CFAP20DC: variants seen among roughly 807,000 people sequenced by gnomAD.
The protein encoded by CFAP20DC is protein CFAP20DC.
A neutral mutation model predicts 101.7 loss-of-function variants in CFAP20DC; 84 were observed. The ratio of observed to expected loss-of-function variants is 0.83; its 90% CI spans 0.69 to 0.99. The LOEUF is 0.99. CFAP20DC is among the 50% of genes least tolerant of loss of function. The pLI is 0.00. For missense variants in CFAP20DC, 1,007 were observed against 970.3 expected (o/e 1.04, Z -0.50); for synonymous variants, 359 against 351.2 (o/e 1.02, Z -0.25).
rs73837939 is a variant in CFAP20DC, at chr3:58,732,070, T to A, written c.198-14442A>T. Among the ~76,000 whole-genome samples, 687 of 152,222 alleles carry A rather than the reference T, an allele frequency of 4.5e-3. 5 individuals carry two copies. Among genetic ancestry groups the A allele is most frequent in the African/African-American group, 0.016 (649 of 41,536 alleles). ...TTCAGTGCGATGCTTGGGAGTGCAG[T>A]GAGAGCTCAATAAATGGTTGTGCTG... On this transcript the variant is annotated intron_variant, in intron 3 of 3. Coordinates refer to the CFAP20DC transcript ENST00000486145. This position sits in a 1 kb window ranked among gnomAD's most constrained non-coding sequence, Gnocchi z 5.4.
intron 14 of CFAP20DC, among the ~76,000 whole-genome samples, chr3:58,821,181 CAT>C (rs1385034111): frequency 6.6e-6 from 1 of 151,950 alleles, no homozygotes. Context: ...GACCTAAAAC[CAT>C]AAAAACCCTA....
At chr3:58,827,909 G>A (rs1212189412) in intron 14 of CFAP20DC, among the ~76,000 whole-genome samples, 2 of 152,202 alleles carry the variant, frequency 1.3e-5, no homozygotes, top group African/African-American at 2.4e-5. Flanking sequence ...AGCTTGTGGT[G>A]AGAGTTATCA....
chr3:58,929,495 A>G (rs546547074), intron 5 of CFAP20DC, among the ~76,000 whole-genome samples: 75 of 152,290 alleles, frequency 4.9e-4, no homozygotes, highest in African/African-American at 1.7e-3. Flanking sequence ...GATGAATACA[A>G]TTTTATTTGT....
intron 14 of CFAP20DC, among the ~76,000 whole-genome samples, chr3:58,828,478 T>G (rs908686483): frequency 1.3e-5 from 2 of 151,768 alleles, no homozygotes; most frequent in African/African-American, 4.8e-5. Flanking sequence ...TAAAAAAGAG[T>G]GAAATCATGT....
At chr3:58,779,090 C>T (rs1173479476) in intron 15 of CFAP20DC, among the ~76,000 whole-genome samples, 1 of 152,092 alleles carries the variant, frequency 6.6e-6, no homozygotes, top group Non-Finnish European at 1.5e-5. Flanking sequence ...TCCATAGGAA[C>T]AGGATAATTA....
At chr3:58,749,877 C>T (rs2107216090) in intron 16 of CFAP20DC, among the ~76,000 whole-genome samples, 1 of 152,222 alleles carries the variant, frequency 6.6e-6, no homozygotes, top group Admixed American at 6.5e-5. Flanking sequence ...TCTTAACTTC[C>T]CATTTTTACA....
intron 4 of CFAP20DC, among the ~76,000 whole-genome samples, chr3:58,980,547 C>T (rs549976675): frequency 7.2e-5 from 11 of 152,250 alleles, no homozygotes; most frequent in Non-Finnish European, 1.5e-4. Context: ...AAGGCTGGTT[C>T]AATATACACA....
At position 58,788,408 on chromosome 3, in the gene CFAP20DC, C is replaced by T. The variant is rs914201587; in HGVS notation, c.2237+17987G>A. On this transcript the variant is annotated intron_variant, in intron 15 of 16. Coordinates refer to ENST00000482387, the MANE Select transcript of CFAP20DC (RefSeq NM_001394063.1). This position sits in a 1 kb window ranked among gnomAD's most constrained non-coding sequence, Gnocchi z 4.2. ...ATTTTTGAGCTTCTAATGTGGACAG[C>T]GCTGTATGAGAAGTAATGGGGAGCA... Among the ~76,000 whole-genome samples, 5 of 152,042 alleles carry T rather than the reference C, an allele frequency of 3.3e-5. No homozygotes were observed. In the South Asian group the frequency reaches 6.2e-4, roughly 19 times the overall value.
At chr3:58,850,771 T>G (rs1158902314) in intron 12 of CFAP20DC, among the ~76,000 whole-genome samples, 2 of 152,184 alleles carry the variant, frequency 1.3e-5, no homozygotes, top group African/African-American at 4.8e-5. Context: ...CAGTAAGCTA[T>G]TCCTTCACCC....
intron 4 of CFAP20DC, among the ~76,000 whole-genome samples, chr3:59,005,040 C>T (rs749967047): frequency 2.0e-5 from 3 of 152,066 alleles, no homozygotes; most frequent in Non-Finnish European, 2.9e-5. Flanking sequence ...TCCTTGGGCA[C>T]GGTATTATTT....
rs2067664004 is a variant in CFAP20DC at position 58,732,477 on chromosome 3, A to G, written c.198-14849T>C. Among the ~76,000 whole-genome samples the G allele has an allele frequency of 6.6e-6, 1 of 152,206 alleles. No homozygotes were observed. The highest frequency in any genetic ancestry group is 1.5e-5 in the Non-Finnish European group (1 of 68,028). On this transcript the variant is annotated intron_variant, in intron 3 of 3. Transcript: ENST00000486145. This position sits in a 1 kb window ranked among gnomAD's most constrained non-coding sequence, Gnocchi z 5.4. ...TCAAGAGATGCTTTCACTGACCTTT[A>G]TCATTTCACGTGGATGAAATTATAA...
chr3:58,745,494 T>TGGG (rs1163931489), intron 16 of CFAP20DC, among the ~76,000 whole-genome samples: 2 of 152,170 alleles, frequency 1.3e-5, no homozygotes, highest in Non-Finnish European at 2.9e-5. Flanking sequence ...GGCTGCTTAC[T>TGGG]GCCTAAAGCT....
At chr3:58,998,593 A>G (rs2093210470) in intron 4 of CFAP20DC, among the ~76,000 whole-genome samples, 1 of 152,086 alleles carries the variant, frequency 6.6e-6, no homozygotes, top group Admixed American at 6.5e-5. Context: ...TATTAATCAC[A>G]AACAGCCCCT....
intron 14 of CFAP20DC, 114 bp downstream of exon 14, chr3:58,831,572 C>T (rs2076392374): frequency 1.3e-6 from 1 of 755,900 alleles, no homozygotes; most frequent in African/African-American, 1.8e-5. Context: ...GATTATTTCT[C>T]ATAGGGAGAG....
At chr3:59,043,909 A>C (rs577041867) in intron 3 of CFAP20DC, among the ~76,000 whole-genome samples, 1 of 152,306 alleles carries the variant, frequency 6.6e-6, no homozygotes, top group East Asian at 1.9e-4. Context: ...TAACAAACTT[A>C]TTGAACACCA....
At chr3:58,736,419 T>A (rs557311557) in intron 3 of CFAP20DC, among the ~76,000 whole-genome samples, 10 of 152,310 alleles carry the variant, frequency 6.6e-5, no homozygotes, top group Non-Finnish European at 8.8e-5. Context: ...TGGGGATGAT[T>A]CTAATCCCAT....
chr3:59,049,844 C>G lies in CFAP20DC; in HGVS notation c.-213G>C. ...GCCCTCCATCAGCACCATTGCGGCT[C>G]CAGCCTCCGCGGTGCCCGGGTCTGG... On this transcript the variant is annotated 5_prime_UTR_variant, in exon 1 of 17. Coordinates refer to ENST00000482387, the MANE Select transcript of CFAP20DC (RefSeq NM_001394063.1). The G allele has an allele frequency of 1.6e-6, 1 of 615,392 alleles. No individual in the cohort carries two copies. The highest frequency in any genetic ancestry group is 2.8e-6 in the Non-Finnish European group (1 of 353,620). 38.1% of individuals were successfully genotyped at this position (615,392 alleles called of 1,614,324 possible).
At chr3:58,970,426 C>A (rs918190308) in intron 4 of CFAP20DC, 1 of 152,160 alleles carries the variant, frequency 6.6e-6, no homozygotes, top group Non-Finnish European at 1.5e-5. Context: ...TGGAGTGATA[C>A]ACCTACAAAC....
In CFAP20DC at chr3:59,006,232, A is replaced by G. The variant is rs901844702; in HGVS notation, c.278+33325T>C. 2.6e-5 allele frequency among the ~76,000 whole-genome samples: 4 copies of G among 152,156 alleles called. No homozygotes were observed. Among genetic ancestry groups the G allele is most frequent in the Non-Finnish European group, 5.9e-5 (4 of 68,022 alleles). On this transcript the variant is annotated intron_variant, in intron 4 of 16. Transcript: ENST00000482387. This position sits in a 1 kb window ranked among gnomAD's most constrained non-coding sequence, Gnocchi z 4.3. Reference sequence around the variant, plus strand: ...CTACTGTCATCCCAGCAACCAGAATAAGCCAAGAAAACTATAAAATCATGA... The same window carrying G: ...CTACTGTCATCCCAGCAACCAGAATGAGCCAAGAAAACTATAAAATCATGA...
Sources: allele counts gnomAD v4.1 joint callset (sites outside exome capture counted in the v4.1 genomes callset), GRCh38; gene constraint gnomAD v4.1.1; non-coding constraint Gnocchi (gnomAD v3.1); transcripts MANE v1.5; gene names NCBI Gene and HGNC (gene_info 2026-07-23, HGNC 2026-07-21).